Variants in SLC25A20 observed in about 807,000 individuals in gnomAD.
SLC25A20 encodes mitochondrial carnitine/acylcarnitine carrier protein.
Under a neutral mutation model 39.7 loss-of-function variants are expected in SLC25A20, and 29 were observed. The observed-to-expected ratio is 0.73, with a 90% CI of 0.54 to 1.00. The LOEUF (loss-of-function observed/expected upper bound fraction) is 1.00. Among genes scored for constraint, SLC25A20 ranks in the 50% least tolerant of loss-of-function variants. SLC25A20 has a pLI of 0.00. For missense variants in SLC25A20, 333 were observed against 379.9 expected, an observed-to-expected ratio of 0.88 and a Z score of 1.03; for synonymous variants, 103 against 142.2, an observed-to-expected ratio of 0.72 and a Z score of 1.96.
intron 2 of SLC25A20, among the ~76,000 whole-genome samples, chr3:48,889,426 C>T (rs1179864911): frequency 6.6e-6 from 1 of 151,826 alleles, no homozygotes. Context: ...TAACTCCAAA[C>T]CAATTTAATG....
At chr3:48,892,928 G>A (rs2083887325) in intron 1 of SLC25A20, among the ~76,000 whole-genome samples, 2 of 152,138 alleles carry the variant, frequency 1.3e-5, no homozygotes, top group African/African-American at 4.8e-5. Flanking sequence ...GGAACTGCCA[G>A]ACTGTTTTGC....
intron 5 of SLC25A20, among the ~76,000 whole-genome samples, chr3:48,861,847 T>C (rs1162482677): frequency 2.0e-5 from 3 of 151,936 alleles, no homozygotes; most frequent in Non-Finnish European, 4.4e-5. Flanking sequence ...GCCAACATGG[T>C]GAAACCCCAT....
intron 3 of SLC25A20, among the ~76,000 whole-genome samples, 153 bp downstream of exon 3, chr3:48,883,844 G>A (rs542654118): frequency 1.3e-5 from 2 of 151,934 alleles, no homozygotes; most frequent in South Asian, 2.1e-4. Flanking sequence ...AGCTGGACTC[G>A]ACCTCCTGAC....
rs775899612 is a variant in SLC25A20, at chr3:48,858,528, G to C, written c.822C>G (p.Ile274Met). 6.2e-7 allele frequency: 1 copy of C among 1,614,148 alleles called. No individual in the cohort carries two copies. Among genetic ancestry groups the C allele is most frequent in the Non-Finnish European group, 8.5e-7 (1 of 1,180,028 alleles). The change falls in exon 8 of 9, where the codon ATC (isoleucine) becomes ATG (methionine). Residue 274 changes from isoleucine to methionine, a missense_variant. By Grantham distance (10) the Ile-to-Met change is conservative. Transcript: ENST00000319017. ...SLYKGFNAVM[I>M]RAFPANAACF... ...TCACCGCATTGGCTGGGAAGGCTCG[G>C]ATCATCACTGCATTGAACCCTTTGT...
intron 2 of SLC25A20, among the ~76,000 whole-genome samples, chr3:48,891,343 G>A (rs969885547): frequency 6.6e-6 from 1 of 152,130 alleles, no homozygotes; most frequent in Non-Finnish European, 1.5e-5. Flanking sequence ...CCAAAGTGCT[G>A]GGATTATAGG....
At chr3:48,888,026 G>C (rs559777323) in intron 2 of SLC25A20, among the ~76,000 whole-genome samples, 2 of 151,506 alleles carry the variant, frequency 1.3e-5, no homozygotes, top group African/African-American at 4.8e-5. Context: ...TGGCCAACAT[G>C]GCAAAACCCA....
chr3:48,886,479 C>T (rs914157583), intron 2 of SLC25A20, among the ~76,000 whole-genome samples: 2 of 151,768 alleles, frequency 1.3e-5, no homozygotes, highest in Non-Finnish European at 2.9e-5. Flanking sequence ...GCCGAGATCG[C>T]GCCATTGCAC....
rs2106637869 is a variant in SLC25A20, at chr3:48,860,439, C to A, written c.536-812G>T. ...ACTATCCTGGCCAACATGGTGAAAC[C>A]CTGTCTCTACCAAAAATTAGCCGGG... On this transcript the variant is annotated intron_variant, in intron 5 of 8. Transcript: ENST00000319017. Among the ~76,000 whole-genome samples, 3 of 151,592 alleles carry A rather than the reference C, an allele frequency of 2.0e-5. 1 individual carries two copies. The South Asian group carries it at 6.2e-4, about 32-fold the overall frequency.
At chr3:48,860,238 T>G (rs1328147149) in intron 5 of SLC25A20, among the ~76,000 whole-genome samples, 2 of 149,666 alleles carry the variant, frequency 1.3e-5, no homozygotes, top group Non-Finnish European at 1.5e-5. Flanking sequence ...GAGGTGGAGG[T>G]TGCAGTGAGC....
chr3:48,884,436 A>G (rs2083817044), intron 2 of SLC25A20, among the ~76,000 whole-genome samples: 1 of 151,864 alleles, frequency 6.6e-6, no homozygotes. Context: ...CACAGCCTTG[A>G]TCCCCTGGGC....
At chr3:48,857,828 A>G in intron 8 of SLC25A20, 56 bp from the exon 9 acceptor site, 2 of 1,525,602 alleles carry the variant, frequency 1.3e-6, no homozygotes, top group Non-Finnish European at 1.8e-6. Context: ...TTCATAGACT[A>G]TTCAAAGCAC....
chr3:48,896,748 C>T (rs981711151), intron 1 of SLC25A20, among the ~76,000 whole-genome samples: 2 of 151,766 alleles, frequency 1.3e-5, no homozygotes, highest in Non-Finnish European at 2.9e-5. Flanking sequence ...GAACTCCTGA[C>T]CTCAGGTGAT....
At chr3:48,864,083 C>T (rs573624806) in intron 4 of SLC25A20, among the ~76,000 whole-genome samples, 116 of 151,782 alleles carry the variant, frequency 7.6e-4, no homozygotes, top group African/African-American at 2.6e-3. Context: ...CGGTGGCTCA[C>T]GCCTGTAATC....
chr3:48,877,112 G>T (rs2083764175), intron 4 of SLC25A20, among the ~76,000 whole-genome samples: 1 of 151,420 alleles, frequency 6.6e-6, no homozygotes, highest in South Asian at 2.1e-4. Context: ...ATAGAAAAGA[G>T]GCCAGGCACG....
chr3:48,874,939 A>G (rs753863056), intron 4 of SLC25A20, among the ~76,000 whole-genome samples: 3 of 149,456 alleles, frequency 2.0e-5, no homozygotes, highest in Admixed American at 6.7e-5. Flanking sequence ...TTGCGGGTGC[A>G]TGCCTGTAAT....
intron 4 of SLC25A20, among the ~76,000 whole-genome samples, chr3:48,877,663 A>G (rs2083768675): frequency 6.6e-6 from 1 of 151,910 alleles, no homozygotes; most frequent in South Asian, 2.1e-4. Flanking sequence ...CAGGAGGCGG[A>G]GGTTGCAATA....
intron 1 of SLC25A20, among the ~76,000 whole-genome samples, chr3:48,892,844 A>T (rs2083886941): frequency 3.9e-5 from 6 of 152,156 alleles, no homozygotes; most frequent in African/African-American, 1.4e-4. Context: ...GTGACACATA[A>T]AATTAACCAT....
At chr3:48,865,188 T>G (rs1369062545) in intron 4 of SLC25A20, among the ~76,000 whole-genome samples, 1 of 151,548 alleles carries the variant, frequency 6.6e-6, no homozygotes, top group Non-Finnish European at 1.5e-5. Context: ...GGTGCAGTAG[T>G]GCAATCTCAG....
At chr3:48,882,185 T>C (rs1312552848) in intron 3 of SLC25A20, among the ~76,000 whole-genome samples, 1 of 152,224 alleles carries the variant, frequency 6.6e-6, no homozygotes, top group Non-Finnish European at 1.5e-5. Flanking sequence ...TTTCCCTGCC[T>C]CCTGAGAAGC....
Sources: allele counts gnomAD v4.1 joint callset (sites outside exome capture counted in the v4.1 genomes callset), GRCh38; gene constraint gnomAD v4.1.1; transcripts MANE v1.5; gene names NCBI Gene and HGNC (gene_info 2026-07-23, HGNC 2026-07-21).